Variants in EIF4G3 observed in about 807,000 individuals in gnomAD.
The protein encoded by EIF4G3 is eIF-4-gamma 3.
EIF4G3 carries 34 observed loss-of-function variants against 186.4 expected under a neutral mutation model. The observed-to-expected ratio is 0.18, with a 90% CI of 0.14 to 0.24. The LOEUF is 0.24. EIF4G3 is among the 10% of genes least tolerant of loss of function. The pLI is 1.00. For synonymous variants in EIF4G3, 673 were observed against 679.5 expected (o/e 0.99, Z 0.15); for missense variants, 1,536 against 1,948.5 (o/e 0.79, Z 3.99).
chr1:20,816,193 T>C (rs2060777918), intron 34 of EIF4G3, among the ~76,000 whole-genome samples: 2 of 89,204 alleles, frequency 2.2e-5, no homozygotes, highest in African/African-American at 4.4e-5. Context: ...GGAGCGCCTC[T>C]GCCCGGCCAG....
intron 2 of EIF4G3, among the ~76,000 whole-genome samples, chr1:21,153,395 G>A (rs1356267431): frequency 6.6e-6 from 1 of 152,206 alleles, no homozygotes; most frequent in Non-Finnish European, 1.5e-5. Flanking sequence ...ATTTGAGAAG[G>A]AGGTGAGTTA....
At chr1:20,817,176 C>T (rs540825323) in intron 34 of EIF4G3, among the ~76,000 whole-genome samples, 4 of 141,012 alleles carry the variant, frequency 2.8e-5, no homozygotes, top group South Asian at 4.6e-4. Flanking sequence ...CTGACCTTCC[C>T]TCCACTATTG....
intron 20 of EIF4G3, 141 bp from the exon 21 acceptor site, chr1:20,865,403 C>T (rs2077333332): frequency 6.1e-6 from 5 of 824,410 alleles, no homozygotes; most frequent in Non-Finnish European, 9.2e-6. Context: ...TAGCTTCAGG[C>T]ATTTCATGAT....
chr1:20,916,829 AT>A (rs1002915484), intron 14 of EIF4G3, among the ~76,000 whole-genome samples: 7 of 152,236 alleles, frequency 4.6e-5, no homozygotes, highest in Non-Finnish European at 1.0e-4. Flanking sequence ...CAACGTATTT[AT>A]AGAAGTGGTA....
rs2074022635 is a variant in EIF4G3 at position 20,853,675 on chromosome 1, C to A, written c.3436G>T (p.Ala1146Ser). ...AAACTGGAAGCACTTGACCGTAAGG[C>A]ATCTACACATGTCGAGGATTTAGAA... ...SGGAKASETD[A>S]LRSSASSLNR... is the part of the protein sequence containing the mutation. The change falls in exon 27 of 37, where the codon GCC (alanine) becomes TCC (serine). Residue 1146 changes from alanine to serine, a missense_variant and splice_region_variant. By Grantham distance (99) the Ala-to-Ser change is moderately conservative. Coordinates refer to ENST00000602326, the MANE Select transcript of EIF4G3 (RefSeq NM_001391906.1). The A allele has an allele frequency of 6.2e-7, 1 of 1,604,306 alleles. No individual in the cohort carries two copies. Among genetic ancestry groups the A allele is most frequent in the Non-Finnish European group, 8.5e-7 (1 of 1,172,948 alleles).
chr1:20,935,371 T>C (rs1225122836), intron 14 of EIF4G3, among the ~76,000 whole-genome samples: 1 of 152,180 alleles, frequency 6.6e-6, no homozygotes, highest in African/African-American at 2.4e-5. Context: ...ATTTTTATTA[T>C]GATTGTGACT....
At chr1:20,807,588 A>T in intron 36 of EIF4G3, 88 bp from the exon 37 acceptor site, 4 of 1,174,426 alleles carry the variant, frequency 3.4e-6, no homozygotes, top group Non-Finnish European at 3.4e-6. Flanking sequence ...ATGACTGAAT[A>T]AATGTGCATT....
chr1:21,023,394 G>C (rs528764772), intron 4 of EIF4G3, among the ~76,000 whole-genome samples: 14 of 149,602 alleles, frequency 9.4e-5, no homozygotes, highest in Admixed American at 1.3e-4. Flanking sequence ...TCAGCCTGCC[G>C]AGTGCCTGCG....
At chr1:21,083,486 A>AC (rs1447525643) in intron 3 of EIF4G3, among the ~76,000 whole-genome samples, 2 of 117,434 alleles carry the variant, frequency 1.7e-5, no homozygotes, top group Non-Finnish European at 3.7e-5. Flanking sequence ...CCACACACAC[A>AC]CTTTTTTTTT....
At chr1:21,057,645 T>G (rs1168622706) in intron 3 of EIF4G3, among the ~76,000 whole-genome samples, 1 of 152,170 alleles carries the variant, frequency 6.6e-6, no homozygotes, top group Non-Finnish European at 1.5e-5. Context: ...CCTTTAAGTT[T>G]TATGTACTTA....
At chr1:21,142,761 AAAG>A (rs1272381949) in intron 2 of EIF4G3, among the ~76,000 whole-genome samples, 1 of 152,218 alleles carries the variant, frequency 6.6e-6, no homozygotes, top group African/African-American at 2.4e-5. Flanking sequence ...CATTCAAGTA[AAAG>A]AAGCTGTATA....
intron 33 of EIF4G3, among the ~76,000 whole-genome samples, chr1:20,818,563 G>T (rs2061591834): frequency 1.3e-5 from 2 of 152,122 alleles, no homozygotes; most frequent in Admixed American, 6.6e-5. Context: ...GATTGCTTGA[G>T]CATGGGAGGT....
At chr1:21,054,173 C>CA in intron 3 of EIF4G3, among the ~76,000 whole-genome samples, 1 of 151,796 alleles carries the variant, frequency 6.6e-6, no homozygotes, top group Admixed American at 6.6e-5. Flanking sequence ...ACCTTACCCC[C>CA]AACCCTGTGC....
intron 4 of EIF4G3, among the ~76,000 whole-genome samples, chr1:21,026,427 A>T (rs928911749): frequency 1.3e-4 from 20 of 152,170 alleles, no homozygotes; most frequent in African/African-American, 4.8e-4. Context: ...TAAGAGCTAA[A>T]AGTAAAAAAA....
chr1:21,055,845 G>C (rs1408855698), intron 3 of EIF4G3, among the ~76,000 whole-genome samples: 2 of 152,006 alleles, frequency 1.3e-5, no homozygotes, highest in African/African-American at 2.4e-5. Context: ...AATAATAAAG[G>C]AAAAATACAT....
rs1039366104 is a variant in EIF4G3 at position 20,981,749 on chromosome 1, C to CAT, written c.199-524_199-523dup. Among the ~76,000 whole-genome samples, 13 of 147,688 alleles carry CAT rather than the reference C, an allele frequency of 8.8e-5. No individual in the cohort carries two copies. In the East Asian group the frequency reaches 2.5e-3, roughly 29 times the overall value. On this transcript the variant is annotated intron_variant, in intron 8 of 36. Coordinates refer to ENST00000602326, the MANE Select transcript of EIF4G3 (RefSeq NM_001391906.1). ...TACGCACATACTGTATATACACATACATATATGTATACACACATACTGTAT... is the reference window on the plus strand; with the variant it reads ...TACGCACATACTGTATATACACATACATATATATGTATACACACATACTGTAT...
intron 6 of EIF4G3, chr1:20,999,299 G>C (rs2154568666): frequency 3.0e-6 from 1 of 335,350 alleles, no homozygotes; most frequent in African/African-American, 2.2e-5. Context: ...TCTCTTCAAA[G>C]AAATTGAGGT....
chr1:20,876,876 A>G (rs376644533), intron 20 of EIF4G3, among the ~76,000 whole-genome samples: 135 of 152,172 alleles, frequency 8.9e-4, no homozygotes, highest in African/African-American at 3.0e-3. Flanking sequence ...GTGTGTGCCT[A>G]TAGTCAAGGA....
chr1:20,854,681 G>C (rs1273698253), intron 26 of EIF4G3, among the ~76,000 whole-genome samples: 1 of 150,562 alleles, frequency 6.6e-6, no homozygotes, highest in African/African-American at 2.5e-5. Flanking sequence ...CTCCAGCCTG[G>C]GTGACAGAGC....
Sources: gnomAD v4.1 joint callset for allele counts (sites outside exome capture counted in the v4.1 genomes callset) on GRCh38, gnomAD v4.1.1 for gene constraint, MANE v1.5 for transcripts, NCBI Gene and HGNC (gene_info 2026-07-23, HGNC 2026-07-21) for gene names.